Variants in ZNF248 observed in about 807,000 individuals in gnomAD.
ZNF248 encodes the protein zinc finger protein 248, also known as KRAB protein domain.
A neutral mutation model predicts 44.3 loss-of-function variants in ZNF248; 20 were observed. The observed-to-expected ratio is 0.45, with a 90% CI of 0.32 to 0.66. The LOEUF (loss-of-function observed/expected upper bound fraction) is 0.66. ZNF248 is among the 30% of genes least tolerant of loss of function. The pLI, the probability that ZNF248 is intolerant of heterozygous loss-of-function variation, is 0.04. For synonymous variants in ZNF248, 224 were observed against 229.0 expected (o/e 0.98, Z 0.20); for missense variants, 654 against 677.0 (o/e 0.97, Z 0.38).
chr10:37,787,291 A>T (rs942281121), intron 6 of ZNF248, among the ~76,000 whole-genome samples: 30 of 151,632 alleles, frequency 2.0e-4, no homozygotes, highest in Non-Finnish European at 3.4e-4. Context: ...AACAAAAAAA[A>T]TAATAATAAT....
intron 6 of ZNF248, among the ~76,000 whole-genome samples, chr10:37,810,698 A>G (rs536720521): frequency 6.6e-5 from 10 of 152,344 alleles, no homozygotes; most frequent in African/African-American, 2.4e-4. Flanking sequence ...ATCATTTACT[A>G]TCTAGAAATA....
intron 6 of ZNF248, among the ~76,000 whole-genome samples, chr10:37,790,089 G>A (rs1342717095): frequency 6.8e-6 from 1 of 146,302 alleles, no homozygotes; most frequent in African/African-American, 2.6e-5. Context: ...GTGAAACCCC[G>A]TCTCTACTGA....
At chr10:37,808,135 T>C (rs1174978898) in intron 6 of ZNF248, among the ~76,000 whole-genome samples, 1 of 152,184 alleles carries the variant, frequency 6.6e-6, no homozygotes, top group African/African-American at 2.4e-5. Context: ...CTCCATTCTA[T>C]TAATGTGATG....
At chr10:37,766,681 G>T in the ZNF248 span, among the ~76,000 whole-genome samples, 1 of 152,194 alleles carries the variant, frequency 6.6e-6, no homozygotes, top group South Asian at 2.1e-4. Context: ...GGGAAAAACA[G>T]AGTAGAAAAA....
At chr10:37,817,584 G>A (rs983057069) in intron 6 of ZNF248, among the ~76,000 whole-genome samples, 2 of 152,072 alleles carry the variant, frequency 1.3e-5, no homozygotes, top group African/African-American at 4.8e-5. Flanking sequence ...AGACCAGAGA[G>A]AGGAGAAAGC....
chr10:37,789,320 G>A (rs1449591656), intron 6 of ZNF248, among the ~76,000 whole-genome samples: 1 of 151,930 alleles, frequency 6.6e-6, no homozygotes, highest in African/African-American at 2.4e-5. Context: ...AAAGCCAATG[G>A]AGACTGCTTT....
chr10:37,764,423 A>AGTCCT, the ZNF248 span, among the ~76,000 whole-genome samples: 2 of 152,186 alleles, frequency 1.3e-5, no homozygotes, highest in Non-Finnish European at 2.9e-5. Context: ...ATTTCACCCC[A>AGTCCT]GTCCTGTGAT....
Position 37,830,381 on chromosome 10 carries a change from T to G in ZNF248, c.*1234A>C. On this transcript the variant is annotated 3_prime_UTR_variant, in exon 6 of 6. Coordinates refer to ENST00000395867, the MANE Select transcript of ZNF248 (RefSeq NM_021045.3). ...GTCAGAGGAAAGGTACGTGATATAG[T>G]TCTTTGTGAAATAATATTTCACTAA... 1.0e-6 allele frequency: 1 copy of G among 985,380 alleles called. No homozygotes were observed. The highest frequency in any genetic ancestry group is 1.1e-4 in the East Asian group (1 of 8,808). 61.0% of individuals were successfully genotyped at this position (985,380 alleles called of 1,614,324 possible). A position where few individuals can be genotyped will look rare whatever the true frequency, so the allele number is the denominator to read the frequency against.
intron 6 of ZNF248, among the ~76,000 whole-genome samples, chr10:37,823,395 C>CA (rs1261999441): frequency 1.3e-5 from 1 of 75,026 alleles, no homozygotes; most frequent in Non-Finnish European, 2.9e-5. Context: ...CATTTTTTAA[C>CA]AAAAAAATGA....
At chr10:37,771,233 A>T in the ZNF248 span, among the ~76,000 whole-genome samples, 4 of 152,312 alleles carry the variant, frequency 2.6e-5, no homozygotes, top group South Asian at 8.3e-4. Flanking sequence ...AGGGATCTAG[A>T]ACTAGAAATA....
At chr10:37,787,235 C>G (rs1397746781) in intron 6 of ZNF248, among the ~76,000 whole-genome samples, 2 of 152,016 alleles carry the variant, frequency 1.3e-5, no homozygotes, top group Non-Finnish European at 2.9e-5. Context: ...GCTGAGATCA[C>G]ACCACTGCAC....
chr10:37,777,625 G>A (rs571268280), intron 6 of ZNF248, among the ~76,000 whole-genome samples: 13 of 149,388 alleles, frequency 8.7e-5, no homozygotes, highest in East Asian at 4.0e-4. Context: ...ATGCTGGTGC[G>A]CTGCACCCAC....
chr10:37,833,203 G>A (rs764869426), intron 5 of ZNF248, 87 bp from the exon 6 acceptor site: 355 of 1,470,582 alleles, frequency 2.4e-4, no homozygotes, highest in Non-Finnish European at 2.5e-4. Context: ...CTATCATACA[G>A]TCAATTCTTT....
At chr10:37,824,825 G>A (rs1217807229), downstream of ZNF248, among the ~76,000 whole-genome samples, 3 of 148,628 alleles carry the variant, frequency 2.0e-5, no homozygotes, top group Non-Finnish European at 3.0e-5. Flanking sequence ...GGGACTATAG[G>A]TGCCCACCAC....
At chr10:37,812,527 A>G (rs2051681671) in intron 6 of ZNF248, among the ~76,000 whole-genome samples, 1 of 152,148 alleles carries the variant, frequency 6.6e-6, no homozygotes, top group Non-Finnish European at 1.5e-5. Context: ...GCACAATACA[A>G]AGGCCTGGAC....
intron 6 of ZNF248, chr10:37,795,886 GT>G (rs1371160988): frequency 6.6e-6 from 1 of 151,980 alleles, no homozygotes; most frequent in Non-Finnish European, 1.5e-5. Flanking sequence ...TCATTATTTT[GT>G]TTTTTATTAA....
At chr10:37,843,378 T>C (rs2058696475) in intron 3 of ZNF248, among the ~76,000 whole-genome samples, 1 of 150,732 alleles carries the variant, frequency 6.6e-6, no homozygotes, top group South Asian at 2.1e-4. Context: ...TGAGCCGAGA[T>C]TGCACCGCTG....
the ZNF248 span, among the ~76,000 whole-genome samples, chr10:37,768,375 A>G: frequency 1.3e-5 from 2 of 152,010 alleles, no homozygotes; most frequent in African/African-American, 4.8e-5. Flanking sequence ...TTGGAAGTAA[A>G]GCTCTCCTCA....
chr10:37,850,851 AT>A (rs1328048754), intron 3 of ZNF248, among the ~76,000 whole-genome samples: 1 of 152,110 alleles, frequency 6.6e-6, no homozygotes, highest in Admixed American at 6.6e-5. Context: ...AAACTATATA[AT>A]TTTTAGACAA....
Sources: gnomAD v4.1 joint callset for allele counts (sites outside exome capture counted in the v4.1 genomes callset) on GRCh38, gnomAD v4.1.1 for gene constraint, MANE v1.5 for transcripts, NCBI Gene and HGNC (gene_info 2026-07-23, HGNC 2026-07-21) for gene names.